Variants in ASXL3 observed in about 807,000 individuals in gnomAD.
ASXL3 encodes ASXL transcriptional regulator 3.
A neutral mutation model predicts 170.6 loss-of-function variants in ASXL3; 34 were observed. The ratio of observed to expected loss-of-function variants is 0.20; its 90% confidence interval spans 0.15 to 0.27. ASXL3 has a LOEUF of 0.27. Ranked by LOEUF, ASXL3 falls within the 10% of genes least tolerant of loss-of-function variation. The probability of loss-of-function intolerance (pLI) is 1.00; values close to 1 mark genes in which losing one functional copy is unlikely to be tolerated. For missense variants in ASXL3, 2,592 were observed against 2,695.3 expected, an observed-to-expected ratio of 0.96 and a Z score of 0.85; for synonymous variants, 1,002 against 989.1, an observed-to-expected ratio of 1.01 and a Z score of -0.24.
At chr18:33,677,788 G>A (rs2066451593) in intron 7 of ASXL3, among the ~76,000 whole-genome samples, 1 of 152,136 alleles carries the variant, frequency 6.6e-6, no homozygotes, top group Non-Finnish European at 1.5e-5. Context: ...TGAAGACTAC[G>A]TGGATTCATG....
chr18:33,665,819 G>A (rs1213480453), intron 5 of ASXL3, among the ~76,000 whole-genome samples: 1 of 152,024 alleles, frequency 6.6e-6, no homozygotes, highest in Non-Finnish European at 1.5e-5. Flanking sequence ...AGCATGCACA[G>A]TCAGCATCTT....
At chr18:33,720,599 CTCA>C (rs1191434828) in intron 8 of ASXL3, among the ~76,000 whole-genome samples, 4 of 152,088 alleles carry the variant, frequency 2.6e-5, no homozygotes, top group South Asian at 2.1e-4. Flanking sequence ...AACATCGCTT[CTCA>C]TCGAGGCCCA....
chr18:33,625,910 T>C (rs1389288014), intron 2 of ASXL3: 1 of 152,092 alleles, frequency 6.6e-6, no homozygotes, highest in African/African-American at 2.4e-5. Flanking sequence ...TAATTTAGGG[T>C]AAGTACATAG....
intron 1 of ASXL3, among the ~76,000 whole-genome samples, chr18:33,581,111 GA>G (rs1380763969): frequency 6.6e-6 from 1 of 151,838 alleles, no homozygotes; most frequent in Non-Finnish European, 1.5e-5. Context: ...AATACATATG[GA>G]CTTGAATTCT....
In ASXL3 at chr18:33,739,168, T is replaced by G. The variant is rs779969887; in HGVS notation, c.1764T>G (p.Ile588Met). The change falls in exon 11 of 12, where the codon ATT (isoleucine) becomes ATG (methionine). Residue 588 changes from isoleucine to methionine, a missense_variant. By Grantham distance (10) the Ile-to-Met change is conservative. This residue lies in a region of ASXL3 where 2,246 missense variants were observed against 2,219.6 expected (regional missense o/e 1.01). Coordinates refer to ENST00000269197, the MANE Select transcript of ASXL3 (RefSeq NM_030632.3). ...AAGGCCAGTTTCCAAATGAAGGAAT[T>G]GCTATAGATATGGAGCTACAGAGTG... is the stretch of plus-strand genomic sequence containing the variant. ...SLEGQFPNEG[I>M]AIDMELQSDP... 1 of 1,613,676 alleles carries G rather than the reference T, an allele frequency of 6.2e-7. No individual in the cohort carries two copies. Among genetic ancestry groups the G allele is most frequent in the Non-Finnish European group, 8.5e-7 (1 of 1,179,840 alleles).
intron 8 of ASXL3, among the ~76,000 whole-genome samples, chr18:33,712,793 G>A (rs534778839): frequency 1.6e-3 from 238 of 152,300 alleles, no homozygotes; most frequent in Non-Finnish European, 1.6e-3. Context: ...GTTGCTGTAA[G>A]AAAGAGTCCC....
In ASXL3 at chr18:33,749,165, A is replaced by G. The variant is rs1453867569; in HGVS notation, c.*2570A>G. ...AAAATTAATATCTTTAAGCTAAAAT[A>G]TAAGGGAAAGGAAGAAGAGAAATTT... On this transcript the variant is annotated 3_prime_UTR_variant, in exon 12 of 12. Transcript: ENST00000269197. 3 of 151,256 alleles carry G rather than the reference A, an allele frequency of 2.0e-5. No individual in the cohort carries two copies. The highest frequency in any genetic ancestry group is 7.3e-5 in the African/African-American group (3 of 41,084). The allele number at this position is 151,256 out of a possible 1,614,324, so 9.4% of individuals were successfully genotyped here.
chr18:33,633,345 A>G (rs139790912), intron 2 of ASXL3, among the ~76,000 whole-genome samples: 2 of 152,328 alleles, frequency 1.3e-5, no homozygotes, highest in African/African-American at 4.8e-5. Flanking sequence ...AGTGTTCTGT[A>G]ATAAGGAAAT....
Position 33,738,909 on chromosome 18 carries a change from G to T in ASXL3, c.1505G>T (p.Cys502Phe). ...CCTCCTGAAGATAACTTGGAATCCT[G>T]TGTTATGATGAATGATGTTTTAGAA... ...IAPPEDNLES[C>F]VMMNDVLETL... Residue 502 changes from cysteine (C) to phenylalanine (F), a missense_variant, in exon 11 of 12, where the codon TGT becomes TTT. By Grantham distance (205) the Cys-to-Phe change is radical. Coordinates refer to ENST00000269197, the MANE Select transcript of ASXL3 (RefSeq NM_030632.3). The T allele has an allele frequency of 1.2e-6, 2 of 1,613,554 alleles. No homozygotes were observed. Among genetic ancestry groups the T allele is most frequent in the South Asian group, 1.1e-5 (1 of 91,044 alleles).
chr18:33,607,145 C>G lies in ASXL3; in HGVS notation c.55-449C>G, dbSNP rs115483975. Among the ~76,000 whole-genome samples the G allele has an allele frequency of 8.9e-3, 1,345 of 151,956 alleles. 21 individuals carry two copies. Among genetic ancestry groups the G allele is most frequent in the African/African-American group, 0.03 (1,265 of 41,476 alleles). ...TGTATGCTTCTTTCAACATTTTGGC[C>G]GTGAATCCAGTGAGGCTGTTTGTGA... On this transcript the variant is annotated intron_variant, in intron 1 of 11. Transcript: ENST00000269197.
intron 10 of ASXL3, among the ~76,000 whole-genome samples, chr18:33,736,533 A>G (rs1416206679): frequency 6.6e-6 from 1 of 151,938 alleles, no homozygotes; most frequent in East Asian, 1.9e-4. Flanking sequence ...GTTGACTGAC[A>G]CCACGTGCCT....
chr18:33,733,982 T>C (rs2067498445), intron 9 of ASXL3, among the ~76,000 whole-genome samples: 1 of 148,072 alleles, frequency 6.8e-6, no homozygotes, highest in African/African-American at 2.6e-5. Context: ...ACTGATTTCC[T>C]TAAGGACAGT....
At chr18:33,691,541 A>G (rs2066686229) in intron 8 of ASXL3, among the ~76,000 whole-genome samples, 1 of 152,186 alleles carries the variant, frequency 6.6e-6, no homozygotes, top group African/African-American at 2.4e-5. Context: ...TTATTCAACC[A>G]AAACATATTT....
intron 1 of ASXL3, among the ~76,000 whole-genome samples, chr18:33,606,015 T>C (rs559888960): frequency 6.6e-6 from 1 of 152,176 alleles, no homozygotes; most frequent in South Asian, 2.1e-4. Flanking sequence ...TGTACTGTTC[T>C]ACTTACAGTT....
At chr18:33,692,870 C>T (rs151241402) in intron 8 of ASXL3, among the ~76,000 whole-genome samples, 2 of 152,176 alleles carry the variant, frequency 1.3e-5, no homozygotes, top group Non-Finnish European at 2.9e-5. Context: ...ACTCATGCTG[C>T]CATTGCAAAA....
At chr18:33,628,935 G>T (rs1002559401) in intron 2 of ASXL3, among the ~76,000 whole-genome samples, 1 of 152,026 alleles carries the variant, frequency 6.6e-6, no homozygotes, top group Non-Finnish European at 1.5e-5. Flanking sequence ...GTTGATGATC[G>T]CTGTCTCTCA....
intron 8 of ASXL3, among the ~76,000 whole-genome samples, chr18:33,698,334 TG>T (rs1315784958): frequency 6.6e-6 from 1 of 152,288 alleles, no homozygotes; most frequent in East Asian, 1.9e-4. Context: ...CCTAGAACTG[TG>T]ACAAAATACA....
At position 33,743,708 on chromosome 18, in the gene ASXL3, G is replaced by C; in HGVS notation, c.3860G>C (p.Gly1287Ala). The change falls in exon 12 of 12, where the codon GGA (glycine) becomes GCA (alanine). Residue 1287 changes from glycine to alanine, a missense_variant. Physicochemically the swap from Gly to Ala is moderately conservative, Grantham distance 60 (BLOSUM62 0). Coordinates refer to ENST00000269197, the MANE Select transcript of ASXL3 (RefSeq NM_030632.3). ...ATAAGCATGTTAAAAACCATCCAGGGAACTGACACTCCATGCATAGCCATT... is the reference window on the plus strand; with the variant it reads ...ATAAGCATGTTAAAAACCATCCAGGCAACTGACACTCCATGCATAGCCATT... ...CNISMLKTIQGTDTPCIAIIP... is the reference protein window; with the variant it reads ...CNISMLKTIQATDTPCIAIIP... The C allele has an allele frequency of 1.2e-6, 2 of 1,613,760 alleles. No homozygotes were observed. The highest frequency in any genetic ancestry group is 2.2e-5 in the South Asian group (2 of 91,070).
At position 33,738,667 on chromosome 18, in the gene ASXL3, T is replaced by C. The variant is rs374685657; in HGVS notation, c.1263T>C (p.Thr421=). 41 of 1,613,994 alleles carry C rather than the reference T, an allele frequency of 2.5e-5. No homozygotes were observed. The African/African-American group carries it at 5.1e-4, about 20-fold the overall frequency. The part of the protein sequence containing the change: ...PASPEPGFCA[T]LCPMVEIPPK... The stretch of plus-strand genomic sequence containing the variant: ...CTCCAGAGCCTGGTTTCTGTGCTAC[T>C]CTTTGCCCTATGGTAGAAATTCCAC... Residue 421 remains threonine, a synonymous_variant, in exon 11 of 12, where the codon ACT becomes ACC. Coordinates refer to ENST00000269197, the MANE Select transcript of ASXL3 (RefSeq NM_030632.3).
Sources: gnomAD v4.1 joint callset for allele counts (sites outside exome capture counted in the v4.1 genomes callset) on GRCh38, gnomAD v4.1.1 for gene constraint, gnomAD v4.1.1 regional missense constraint, MANE v1.5 for transcripts, NCBI Gene and HGNC (gene_info 2026-07-23, HGNC 2026-07-21) for gene names.